FRMPD4: variants seen among roughly 807,000 people sequenced by gnomAD.
FRMPD4 encodes the protein FERM and PDZ domain-containing protein 4.
FRMPD4 carries 22 observed loss-of-function variants against 94.1 expected under a neutral mutation model. The observed-to-expected ratio is 0.23, with a 90% CI of 0.17 to 0.33. The LOEUF (loss-of-function observed/expected upper bound fraction) is 0.33, where lower values mean the gene tolerates loss of function less well. Among genes scored for constraint, FRMPD4 ranks in the 10% least tolerant of loss-of-function variants. The pLI is 1.00. For missense variants in FRMPD4, 1,111 were observed against 1,339.9 expected (o/e 0.83, Z 2.67); for synonymous variants, 631 against 548.6 (o/e 1.15, Z -2.10).
At chrX:11,923,522 C>A (rs1198502775) in intron 3 of FRMPD4, among the ~76,000 whole-genome samples, 1 of 111,913 alleles carries the variant, frequency 8.9e-6, no homozygotes, top group East Asian at 2.8e-4. Flanking sequence ...GCAGGCACCC[C>A]TGCATCCACT....
intron 2 of FRMPD4, among the ~76,000 whole-genome samples, chrX:12,582,640 C>T (rs1167003154): frequency 8.9e-6 from 1 of 112,000 alleles, no homozygotes; most frequent in Non-Finnish European, 1.9e-5. Context: ...GTGAAGGTCA[C>T]ACTTCATAGG....
At chrX:12,216,934 A>G (rs1469641191) in intron 1 of FRMPD4, among the ~76,000 whole-genome samples, 1 of 111,649 alleles carries the variant, frequency 9.0e-6, no homozygotes, top group Non-Finnish European at 1.9e-5. Context: ...CCCTGTGTCT[A>G]AGCAAGGTTT....
At chrX:12,116,543 G>C (rs956109231) in intron 3 of FRMPD4, among the ~76,000 whole-genome samples, 1 of 111,818 alleles carries the variant, frequency 8.9e-6, no homozygotes, top group Non-Finnish European at 1.9e-5. Context: ...AAAATGATTT[G>C]AGTGACAATT....
chrX:12,216,423 C>T (rs772879424), intron 1 of FRMPD4, among the ~76,000 whole-genome samples: 6 of 111,794 alleles, frequency 5.4e-5, no homozygotes, highest in African/African-American at 1.6e-4. Context: ...CCAGAAATCA[C>T]GCACCAACTA....
chrX:11,913,678 C>T (rs1471363053), intron 3 of FRMPD4, among the ~76,000 whole-genome samples: 1 of 102,058 alleles, frequency 9.8e-6, no homozygotes, highest in Non-Finnish European at 2.0e-5. Context: ...TGTTTTCTTT[C>T]TAGAATTAAA....
chrX:12,621,968 G>GAAAGAA (rs1182948328), intron 4 of FRMPD4, among the ~76,000 whole-genome samples: 1 of 41,074 alleles, frequency 2.4e-5, no homozygotes, highest in African/African-American at 1.1e-4. Context: ...AAGAAAGAAA[G>GAAAGAA]AGAAAGAAAG....
rs2055472730 is a variant in FRMPD4, at chrX:12,123,292, TA to T, written c.95+245275del. On this transcript the variant is annotated intron_variant, in intron 3 of 18. Transcript: ENST00000640291. ...AGCTGGGATTACAGGCGTGTGCCAG[TA>T]TGCCTGGCTAATTTTTATATTTTTA... Among the ~76,000 whole-genome samples the T allele has an allele frequency of 3.6e-5, 4 of 110,411 alleles. No individual in the cohort carries two copies. The Admixed American group carries it at 3.9e-4, about 11-fold the overall frequency.
At chrX:11,956,936 T>C (rs901085327) in intron 3 of FRMPD4, among the ~76,000 whole-genome samples, 1 of 111,931 alleles carries the variant, frequency 8.9e-6, no homozygotes, top group African/African-American at 3.2e-5. Flanking sequence ...AGAGGCTGGC[T>C]TACAATCACA....
chrX:12,693,683 T>C (rs1269980969), intron 8 of FRMPD4, among the ~76,000 whole-genome samples: 2 of 112,220 alleles, frequency 1.8e-5, no homozygotes, highest in Non-Finnish European at 3.8e-5. Context: ...GTCTGGAGTC[T>C]AATTTGGAAA....
intron 3 of FRMPD4, among the ~76,000 whole-genome samples, chrX:12,077,762 T>TTCTC (rs745971579): frequency 1.2e-3 from 129 of 108,090 alleles, no homozygotes; most frequent in African/African-American, 3.7e-3. Context: ...ACCTGCAGAC[T>TTCTC]TCTCTCTCTC....
chrX:12,096,888 AAAAC>A (rs1028273942), intron 3 of FRMPD4, among the ~76,000 whole-genome samples: 6 of 111,296 alleles, frequency 5.4e-5, no homozygotes, highest in African/African-American at 1.6e-4. Flanking sequence ...CCCCATCTCT[AAAAC>A]AAACAAACAA....
chrX:12,364,120 C>T (rs764676844), intron 1 of FRMPD4, among the ~76,000 whole-genome samples: 28 of 110,513 alleles, frequency 2.5e-4, no homozygotes, highest in Non-Finnish European at 4.9e-4. Flanking sequence ...GATCCTCCAC[C>T]CCCAAGCCCT....
chrX:12,259,180 T>C (rs1405081335), intron 1 of FRMPD4, among the ~76,000 whole-genome samples: 1 of 111,905 alleles, frequency 8.9e-6, no homozygotes, highest in African/African-American at 3.2e-5. Context: ...CTTTCCATCT[T>C]GGAGTCCTGC....
chrX:12,420,722 C>T lies in FRMPD4; in HGVS notation c.42-77958C>T, dbSNP rs192022121. 3.0e-3 allele frequency among the ~76,000 whole-genome samples: 340 copies of T among 112,330 alleles called. 1 individual carries two copies. The highest frequency in any genetic ancestry group is 0.01 in the African/African-American group (322 of 30,891). On this transcript the variant is annotated intron_variant, in intron 1 of 16. Transcript: ENST00000675598. Reference sequence around the variant, plus strand: ...AGATTTCTGACACACATCTAGCCTTCTGTAACACCCTATGTGTGCTCTGTG... The same window carrying T: ...AGATTTCTGACACACATCTAGCCTTTTGTAACACCCTATGTGTGCTCTGTG...
At chrX:12,478,959 G>A (rs925874129) in intron 1 of FRMPD4, among the ~76,000 whole-genome samples, 1 of 111,689 alleles carries the variant, frequency 9.0e-6, no homozygotes, top group African/African-American at 3.3e-5. Flanking sequence ...AGAATCAATT[G>A]CCTCATCTAT....
chrX:11,992,142 G>GAAAA (rs58215165), intron 3 of FRMPD4, among the ~76,000 whole-genome samples: 18 of 105,450 alleles, frequency 1.7e-4, no homozygotes, highest in African/African-American at 6.2e-4. Flanking sequence ...AATTAAAAGA[G>GAAAA]AAAAAAAAAA....
chrX:11,837,811 C>T (rs2053509968), intron 1 of FRMPD4, among the ~76,000 whole-genome samples: 1 of 111,487 alleles, frequency 9.0e-6, no homozygotes, highest in African/African-American at 3.3e-5. Flanking sequence ...AGTAGAAAAT[C>T]CACTATAGTA....
chrX:12,049,533 A>G (rs375475292), intron 3 of FRMPD4, among the ~76,000 whole-genome samples: 4 of 111,775 alleles, frequency 3.6e-5, no homozygotes, highest in African/African-American at 9.7e-5. Flanking sequence ...GTTGAAGTCA[A>G]TGATGGACTG....
chrX:12,520,887 T>G (rs2058155120), intron 2 of FRMPD4, among the ~76,000 whole-genome samples: 1 of 111,697 alleles, frequency 9.0e-6, no homozygotes, highest in Non-Finnish European at 1.9e-5. Flanking sequence ...CCCAGACCAC[T>G]TGGGGAAGAG....
Sources: allele counts gnomAD v4.1 joint callset (sites outside exome capture counted in the v4.1 genomes callset), GRCh38; gene constraint gnomAD v4.1.1; transcripts MANE v1.5; gene names NCBI Gene and HGNC (gene_info 2026-07-23, HGNC 2026-07-21).